Variants in BYSL observed in about 807,000 individuals in gnomAD.
The protein encoded by BYSL is bystin like.
In BYSL, 21 loss-of-function variants were observed where a neutral mutation model predicts 45.4. That is an observed-to-expected ratio of 0.46 (90% CI 0.33 to 0.67). The LOEUF (loss-of-function observed/expected upper bound fraction) is 0.67. Among genes scored for constraint, BYSL ranks in the 30% least tolerant of loss-of-function variants. The pLI, the probability that BYSL is intolerant of heterozygous loss-of-function variation, is 0.02. For missense variants in BYSL, 522 were observed against 578.5 expected (o/e 0.90, Z 1.00); for synonymous variants, 215 against 231.3 (o/e 0.93, Z 0.64).
chr6:41,923,122 T>C (rs371037887), intron 1 of BYSL, among the ~76,000 whole-genome samples: 60 of 132,858 alleles, frequency 4.5e-4, no homozygotes, highest in African/African-American at 1.8e-3. Flanking sequence ...GTATCTCATA[T>C]TCTCCGTTTT....
intron 1 of BYSL, among the ~76,000 whole-genome samples, chr6:41,923,725 G>A (rs183823329): frequency 2.2e-4 from 34 of 152,170 alleles, no homozygotes; most frequent in African/African-American, 7.9e-4. Context: ...GTGAGCTACT[G>A]CACCCTGCCG....
At chr6:41,930,545 A>G (rs1183714387) in intron 3 of BYSL, 90 bp from the exon 4 acceptor site, 4 of 1,481,170 alleles carry the variant, frequency 2.7e-6, no homozygotes, top group Non-Finnish European at 3.6e-6. Flanking sequence ...CAATGAGTTA[A>G]TATATTAAAA....
intron 1 of BYSL, among the ~76,000 whole-genome samples, chr6:41,924,424 CTT>C (rs1775535900): frequency 6.6e-6 from 1 of 152,214 alleles, no homozygotes; most frequent in Non-Finnish European, 1.5e-5. Flanking sequence ...ATGTCTGTCT[CTT>C]CCATTTAGAC....
intron 1 of BYSL, among the ~76,000 whole-genome samples, chr6:41,922,436 A>T (rs1305685150): frequency 6.6e-6 from 1 of 152,216 alleles, no homozygotes; most frequent in East Asian, 1.9e-4. Flanking sequence ...CTCACTAGGG[A>T]GGGAGTGTTG....
At chr6:41,924,413 T>C (rs1329858606) in intron 1 of BYSL, among the ~76,000 whole-genome samples, 1 of 152,226 alleles carries the variant, frequency 6.6e-6, no homozygotes, top group African/African-American at 2.4e-5. Context: ...TATGTTTATT[T>C]ATGTCTGTCT....
rs1489432209 is a variant in BYSL at position 41,932,978 on chromosome 6, G to A, written c.*272G>A. The A allele has an allele frequency of 2.2e-6, 1 of 456,902 alleles. No homozygotes were observed. The highest frequency in any genetic ancestry group is 1.9e-5 in the African/African-American group (1 of 51,504). 28.3% of individuals were successfully genotyped at this position (456,902 alleles called of 1,614,324 possible). A position where few individuals can be genotyped will look rare whatever the true frequency, so the allele number is the denominator to read the frequency against. ...TCCCAGTCCCCAGCTGGGGCTTGGT[G>A]TGAGTACTTTTTCTATGGCTATTGT... On this transcript the variant is annotated 3_prime_UTR_variant, in exon 7 of 7. Transcript: ENST00000230340. This position sits in a 1 kb window ranked among gnomAD's most constrained non-coding sequence, Gnocchi z 4.7.
At chr6:41,927,570 T>TAGAA (rs766419083) in intron 2 of BYSL, 34 bp downstream of exon 2, 2 of 1,605,900 alleles carry the variant, frequency 1.2e-6, no homozygotes, top group Non-Finnish European at 1.7e-6. Flanking sequence ...TGAGTCCTTG[T>TAGAA]AGAAAGTTCC....
chr6:41,917,060 T>C (rs1045343216), upstream of BYSL: 1 of 1,036,112 alleles, frequency 9.7e-7, no homozygotes, highest in Admixed American at 2.5e-5. Context: ...AATTACCTAC[T>C]CTGACCGTCT....
the BYSL span, chr6:41,909,002 G>C: frequency 8.0e-6 from 4 of 501,890 alleles, no homozygotes; most frequent in African/African-American, 5.8e-5. Flanking sequence ...GGGCAACATA[G>C]TAAGACCTCA....
intron 4 of BYSL, 66 bp from the exon 5 acceptor site, chr6:41,931,330 A>G: frequency 2.5e-6 from 4 of 1,568,882 alleles, no homozygotes; most frequent in Non-Finnish European, 3.5e-6. Context: ...ATCCATGGTG[A>G]TATTTAATGG....
upstream of BYSL, among the ~76,000 whole-genome samples, chr6:41,920,245 C>T (rs1437585210): frequency 1.2e-4 from 18 of 152,172 alleles, no homozygotes. Context: ...GTGCCTGGAA[C>T]CATGATCTCC....
chr6:41,913,157 C>T, the BYSL span: 1 of 151,862 alleles, frequency 6.6e-6, no homozygotes, highest in Admixed American at 6.6e-5. Context: ...TGTCTACTCT[C>T]CTCCAAACTA....
intron 3 of BYSL, 77 bp from the exon 4 acceptor site, chr6:41,930,558 A>G (rs1354146197): frequency 8.5e-6 from 13 of 1,520,576 alleles, no homozygotes; most frequent in Non-Finnish European, 1.8e-6. Flanking sequence ...TATTAAAAGC[A>G]CCCAGACAAG....
In BYSL at chr6:41,931,814, C is replaced by T; in HGVS notation, c.952C>T (p.Pro318Ser). 1 of 1,613,756 alleles carries T rather than the reference C, an allele frequency of 6.2e-7. No homozygotes were observed. ...VGSIITKCSI[P>S]VLHSSAAMLK... ...TAGCATCATCACCAAGTGCTCCATC[C>T]CTGTGTTGCACTCCAGGTAGTATTG... Residue 318 changes from proline (P) to serine (S), a missense_variant, in exon 6 of 7, where the codon CCT becomes TCT. Coordinates refer to ENST00000230340, the MANE Select transcript of BYSL (RefSeq NM_004053.4).
intron 6 of BYSL, 151 bp downstream of exon 6, chr6:41,931,981 C>T (rs1775647710): frequency 5.3e-6 from 4 of 756,172 alleles, no homozygotes; most frequent in Non-Finnish European, 9.0e-6. Context: ...TCATTATCCC[C>T]CTCAATGTAA....
the BYSL span, among the ~76,000 whole-genome samples, chr6:41,914,526 C>T: frequency 0.026 from 4,003 of 152,200 alleles, 76 homozygotes; most frequent in Non-Finnish European, 0.043. Context: ...GACTCTGGTT[C>T]CCCAGTGATA....
chr6:41,915,215 C>T, the BYSL span, among the ~76,000 whole-genome samples: 68 of 151,988 alleles, frequency 4.5e-4, no homozygotes, highest in Non-Finnish European at 7.5e-4. Context: ...TGGCAGATCC[C>T]TTGAGCTCAG....
chr6:41,927,640 A>C, intron 2 of BYSL, 104 bp downstream of exon 2: 1 of 1,438,242 alleles, frequency 7.0e-7, no homozygotes, highest in African/African-American at 1.4e-5. Flanking sequence ...AGGGCCCTGG[A>C]GTTGCTAGCT....
upstream of BYSL, among the ~76,000 whole-genome samples, chr6:41,919,910 C>A (rs1176946395): frequency 6.6e-6 from 1 of 152,166 alleles, no homozygotes; most frequent in African/African-American, 2.4e-5. Context: ...CACTGAGAAA[C>A]CTGCAAGAAC....
Sources: gnomAD v4.1 joint callset for allele counts (sites outside exome capture counted in the v4.1 genomes callset) on GRCh38, gnomAD v4.1.1 for gene constraint, Gnocchi (gnomAD v3.1) non-coding constraint, MANE v1.5 for transcripts, NCBI Gene and HGNC (gene_info 2026-07-23, HGNC 2026-07-21) for gene names.